Variants in RPS6KC1 observed in about 807,000 individuals in gnomAD.
RPS6KC1 encodes the protein ribosomal protein S6 kinase C1.
A neutral mutation model predicts 103.8 loss-of-function variants in RPS6KC1; 54 were observed. That is an observed-to-expected ratio of 0.52 (90% CI 0.42 to 0.65). The LOEUF (loss-of-function observed/expected upper bound fraction) is 0.65. RPS6KC1 is among the 30% of genes least tolerant of loss of function. The pLI, the probability that RPS6KC1 is intolerant of heterozygous loss-of-function variation, is 0.00. For missense variants in RPS6KC1, 1,151 were observed against 1,253.8 expected (o/e 0.92, Z 1.24); for synonymous variants, 439 against 438.7 (o/e 1.00, Z -0.01).
chr1:213,507,475 G>T, the RPS6KC1 span, among the ~76,000 whole-genome samples: 2 of 152,010 alleles, frequency 1.3e-5, no homozygotes, highest in African/African-American at 4.8e-5. Flanking sequence ...CAGATGCAAA[G>T]AAAGTGGCGC....
the RPS6KC1 span, among the ~76,000 whole-genome samples, chr1:213,690,625 T>C: frequency 2.0e-5 from 3 of 152,204 alleles, no homozygotes; most frequent in Non-Finnish European, 4.4e-5. Flanking sequence ...TTTTTAGACC[T>C]TGGGCTTTAC....
At chr1:213,859,292 C>T in the RPS6KC1 span, among the ~76,000 whole-genome samples, 1 of 152,150 alleles carries the variant, frequency 6.6e-6, no homozygotes, top group Non-Finnish European at 1.5e-5. Context: ...AATCTGAACA[C>T]CCTCCCCTCG....
the RPS6KC1 span, among the ~76,000 whole-genome samples, chr1:213,812,414 G>A: frequency 6.6e-6 from 1 of 152,114 alleles, no homozygotes; most frequent in African/African-American, 2.4e-5. Context: ...TCTTTCCATA[G>A]CCATCTCCTT....
At chr1:213,117,994 C>T (rs2083866305) in intron 5 of RPS6KC1, among the ~76,000 whole-genome samples, 1 of 70,072 alleles carries the variant, frequency 1.4e-5, no homozygotes, top group Non-Finnish European at 3.1e-5. Flanking sequence ...TGCACTCTAG[C>T]CTGGACAACA....
At chr1:213,187,844 G>C (rs768620510) in intron 8 of RPS6KC1, among the ~76,000 whole-genome samples, 1 of 151,388 alleles carries the variant, frequency 6.6e-6, no homozygotes, top group Non-Finnish European at 1.5e-5. Flanking sequence ...ATCTTGTTTT[G>C]GTTTCTACTG....
the RPS6KC1 span, among the ~76,000 whole-genome samples, chr1:213,566,639 G>C: frequency 2.3e-4 from 34 of 150,474 alleles, no homozygotes; most frequent in East Asian, 1.8e-3. Flanking sequence ...TTACAATTCG[G>C]GTACCTTCAG....
At chr1:213,559,457 T>C in the RPS6KC1 span, among the ~76,000 whole-genome samples, 1 of 152,150 alleles carries the variant, frequency 6.6e-6, no homozygotes, top group Non-Finnish European at 1.5e-5. Flanking sequence ...GTCAGTTAGA[T>C]AAAATAAATT....
At chr1:213,248,376 C>T (rs2094489965) in intron 12 of RPS6KC1, among the ~76,000 whole-genome samples, 1 of 152,070 alleles carries the variant, frequency 6.6e-6, no homozygotes, top group Non-Finnish European at 1.5e-5. Flanking sequence ...TTAATGTTTT[C>T]CTTGAATGAT....
the RPS6KC1 span, among the ~76,000 whole-genome samples, chr1:213,696,969 A>G: frequency 1.3e-5 from 2 of 152,332 alleles, no homozygotes; most frequent in African/African-American, 4.8e-5. Flanking sequence ...CAAGTAGACA[A>G]GAGGCTGTCA....
chr1:213,421,185 C>T, the RPS6KC1 span, among the ~76,000 whole-genome samples: 1 of 150,726 alleles, frequency 6.6e-6, no homozygotes, highest in Non-Finnish European at 1.5e-5. Flanking sequence ...TCTCGGCTCA[C>T]ACTGTAACCT....
chr1:213,138,233 G>A (rs191229347), intron 6 of RPS6KC1, among the ~76,000 whole-genome samples: 180 of 151,820 alleles, frequency 1.2e-3, no homozygotes, highest in African/African-American at 3.2e-3. Context: ...ATTCATTTAT[G>A]TACAGGCTTA....
chr1:213,184,647 T>C (rs2092442908), intron 8 of RPS6KC1, among the ~76,000 whole-genome samples: 1 of 152,190 alleles, frequency 6.6e-6, no homozygotes, highest in Non-Finnish European at 1.5e-5. Context: ...AACTTTTCTC[T>C]TAGTGCTGAT....
the RPS6KC1 span, among the ~76,000 whole-genome samples, chr1:213,459,778 G>C: frequency 0.14 from 21,117 of 152,058 alleles, 1,778 homozygotes; most frequent in East Asian, 0.24. Context: ...AGAGATTCTG[G>C]CACATTGGGT....
At chr1:213,432,378 A>G in the RPS6KC1 span, among the ~76,000 whole-genome samples, 1 of 152,206 alleles carries the variant, frequency 6.6e-6, no homozygotes, top group Admixed American at 6.5e-5. Flanking sequence ...TTATAAATAT[A>G]TTCTCTTATT....
At chr1:213,520,112 C>A in the RPS6KC1 span, among the ~76,000 whole-genome samples, 1 of 152,144 alleles carries the variant, frequency 6.6e-6, no homozygotes, top group African/African-American at 2.4e-5. Context: ...TACCTGTCTC[C>A]TTCTTGCTCT....
chr1:213,409,329 T>C, the RPS6KC1 span, among the ~76,000 whole-genome samples: 2 of 152,006 alleles, frequency 1.3e-5, no homozygotes, highest in African/African-American at 4.8e-5. Flanking sequence ...AGGGGCAAAG[T>C]GCTAAGGAAT....
the RPS6KC1 span, among the ~76,000 whole-genome samples, chr1:213,291,641 G>T: frequency 6.6e-6 from 1 of 152,240 alleles, no homozygotes; most frequent in Non-Finnish European, 1.5e-5. Flanking sequence ...ACCAAAGTCA[G>T]CGTGTTTGCA....
chr1:213,139,229 A>G (rs984902205), intron 6 of RPS6KC1, among the ~76,000 whole-genome samples: 4 of 151,978 alleles, frequency 2.6e-5, no homozygotes, highest in Admixed American at 6.6e-5. Flanking sequence ...TGAGTTCCTT[A>G]TAGATTCTGA....
At chr1:213,087,548 T>G (rs2080521064) in intron 3 of RPS6KC1, among the ~76,000 whole-genome samples, 1 of 152,228 alleles carries the variant, frequency 6.6e-6, no homozygotes, top group African/African-American at 2.4e-5. Context: ...GTGAATACAC[T>G]GTTAAGCTTA....
Sources: allele counts gnomAD v4.1 joint callset (sites outside exome capture counted in the v4.1 genomes callset), GRCh38; gene constraint gnomAD v4.1.1; transcripts MANE v1.5; gene names NCBI Gene and HGNC (gene_info 2026-07-23, HGNC 2026-07-21).